The following SHANK1 variants were observed in gnomAD, a reference collection of about 807,000 sequenced individuals.
SHANK1 encodes the protein SH3 and multiple ankyrin repeat domains 1.
SHANK1 carries 35 observed loss-of-function variants against 165.6 expected under a neutral mutation model. That is an observed-to-expected ratio of 0.21 (90% CI 0.16 to 0.28). The LOEUF (loss-of-function observed/expected upper bound fraction) is 0.28, where lower values mean the gene tolerates loss of function less well. SHANK1 is among the 10% of genes least tolerant of loss of function. SHANK1 has a pLI of 1.00. For synonymous variants in SHANK1, 1,428 were observed against 1,384.8 expected, an observed-to-expected ratio of 1.03 and a Z score of -0.69; for missense variants, 2,681 against 3,036.4, an observed-to-expected ratio of 0.88 and a Z score of 2.75.
Position 50,697,992 on chromosome 19 carries a change from G to A in SHANK1, c.1748-36C>T. ...AACGGGGACATAGAGACATTTCTGT[G>A]TTTCTGTGCTGCCCCTCAACTGCCA... On this transcript the variant is annotated intron_variant, in intron 12 of 23. Transcript: ENST00000293441. This position sits in a 1 kb window ranked among gnomAD's most constrained non-coding sequence, Gnocchi z 4.7. 6.8e-7 allele frequency: 1 copy of A among 1,466,394 alleles called. No homozygotes were observed. The highest frequency in any genetic ancestry group is 1.2e-5 in the South Asian group (1 of 85,662). 90.8% of individuals were successfully genotyped at this position (1,466,394 alleles called of 1,614,324 possible).
intron 23 of SHANK1, among the ~76,000 whole-genome samples, chr19:50,664,351 C>T (rs181835209): frequency 2.0e-4 from 30 of 152,242 alleles, no homozygotes; most frequent in African/African-American, 5.1e-4. Context: ...TGAATGGGCT[C>T]GAATTCTGCG....
rs754465479 is a variant in SHANK1, at chr19:50,672,032, C to A, written c.2660G>T (p.Arg887Leu). ...FLPPGPGLML[R>L]QKSIGAAEDD... The stretch of plus-strand genomic sequence containing the variant: ...GGGTGGCATACCGATAGATTTTTGC[C>A]GGAGCATCAACCCAGGTCCTGGAGG... Residue 887 changes from arginine (R) to leucine (L), a missense_variant, in exon 22 of 24, where the codon CGG (arginine) becomes CTG (leucine). Transcript: ENST00000293441. 1.9e-6 allele frequency: 3 copies of A among 1,613,286 alleles called. No individual in the cohort carries two copies.
chr19:50,662,416 C>T lies in SHANK1; in HGVS notation c.6035G>A (p.Ser2012Asn), dbSNP rs747615750. The change falls in exon 24 of 24, where the codon AGC becomes AAC. Residue 2012 changes from serine (S) to asparagine (N), a missense_variant. This residue lies in a region of SHANK1 where 1,713 missense variants were observed against 1,630.2 expected (regional missense o/e 1.05). Coordinates refer to ENST00000293441, the MANE Select transcript of SHANK1 (RefSeq NM_016148.5). The surrounding 1 kb of genome is among the most constrained non-coding windows in gnomAD (Gnocchi z 7.7). ...SLLPASEHKV[S>N]PAPRPSSLPI... ...CAGGGACGAGGGCCTGGGCGCAGGGCTGACCTTGTGCTCCGAGGCGGGCAG... is the reference window on the plus strand; with the variant it reads ...CAGGGACGAGGGCCTGGGCGCAGGGTTGACCTTGTGCTCCGAGGCGGGCAG... 6.4e-7 allele frequency: 1 copy of T among 1,564,572 alleles called. No individual in the cohort carries two copies. Among genetic ancestry groups the T allele is most frequent in the Non-Finnish European group, 8.7e-7 (1 of 1,155,338 alleles).
rs569781839 is a variant in SHANK1, at chr19:50,664,975, T to A, written c.5768+1217A>T. On this transcript the variant is annotated intron_variant, in intron 23 of 23. Transcript: ENST00000293441. ...GGTTTCACCGTGTTAGCCAGGATGG[T>A]CTCGATCTTCTGACCTCATGATCCA... 3.3e-5 allele frequency among the ~76,000 whole-genome samples: 5 copies of A among 152,252 alleles called. No individual in the cohort carries two copies. In the South Asian group the frequency reaches 6.2e-4, roughly 19 times the overall value.
chr19:50,707,305 T>G (rs2088951831), intron 8 of SHANK1, among the ~76,000 whole-genome samples: 2 of 151,924 alleles, frequency 1.3e-5, no homozygotes. Flanking sequence ...GTAGAAGGAG[T>G]GTCCTCTCCC....
At chr19:50,693,498 G>C (rs1986610635) in intron 15 of SHANK1, among the ~76,000 whole-genome samples, 1 of 151,342 alleles carries the variant, frequency 6.6e-6, no homozygotes, top group African/African-American at 2.4e-5. Context: ...GACCCTGAGC[G>C]GCCTCCAGAG....
intron 4 of SHANK1, among the ~76,000 whole-genome samples, chr19:50,715,047 G>A (rs2089054233): frequency 6.6e-6 from 1 of 152,114 alleles, no homozygotes; most frequent in South Asian, 2.1e-4. Context: ...GGTAGACAAG[G>A]AGGGACTGGG....
Position 50,697,187 on chromosome 19 carries a change from C to T in SHANK1, c.1938-65G>A, listed in dbSNP as rs1251996524. ...GTGTCAGTGCACCCATCTCCTCACCCCAATCCCACCCAGCCCTGACTGCAC... is the reference window on the plus strand; with the variant it reads ...GTGTCAGTGCACCCATCTCCTCACCTCAATCCCACCCAGCCCTGACTGCAC... On this transcript the variant is annotated intron_variant, in intron 14 of 23. Transcript: ENST00000293441. The surrounding 1 kb of genome is among the most constrained non-coding windows in gnomAD (Gnocchi z 4.7). 1 of 1,613,344 alleles carries T rather than the reference C, an allele frequency of 6.2e-7. No individual in the cohort carries two copies. Among genetic ancestry groups the T allele is most frequent in the Admixed American group, 1.7e-5 (1 of 60,006 alleles).
At position 50,666,186 on chromosome 19, in the gene SHANK1, G is replaced by A. The variant is rs374550090; in HGVS notation, c.5768+6C>T. The A allele has an allele frequency of 8.2e-6, 13 of 1,580,450 alleles. No individual in the cohort carries two copies. Among genetic ancestry groups the A allele is most frequent in the African/African-American group, 2.7e-5 (2 of 74,260 alleles). ...CCTCCCTTGTTGGCCACCAGCCCCC[G>A]CTTACCTCTGCCGCTGCAGGGAGGA... On this transcript the variant is annotated splice_donor_region_variant and intron_variant, in intron 23 of 23. Transcript: ENST00000293441.
chr19:50,680,775 G>A (rs2123115669), intron 21 of SHANK1, among the ~76,000 whole-genome samples: 1 of 151,814 alleles, frequency 6.6e-6, no homozygotes, highest in Non-Finnish European at 1.5e-5. Flanking sequence ...CCTGTCCCAT[G>A]CTCCCGAGTA....
At chr19:50,684,492 C>T (rs1211260891) in intron 21 of SHANK1, among the ~76,000 whole-genome samples, 3 of 152,142 alleles carry the variant, frequency 2.0e-5, no homozygotes, top group African/African-American at 7.2e-5. Flanking sequence ...TCCCAAAGTG[C>T]TAGGATTACA....
At position 50,661,002 on chromosome 19, in the gene SHANK1, G is replaced by T. The variant is rs1457774855; in HGVS notation, c.*963C>A. On this transcript the variant is annotated 3_prime_UTR_variant, in exon 24 of 24. Transcript: ENST00000293441. ...AGAGTTGGGGAGTGGAAGAATCTGG[G>T]GTTTTTAAGAATAAGAAGGGAAAGT... 1.3e-5 allele frequency among the ~76,000 whole-genome samples: 2 copies of T among 151,896 alleles called. No individual in the cohort carries two copies. Among genetic ancestry groups the T allele is most frequent in the Non-Finnish European group, 2.9e-5 (2 of 67,994 alleles).
chr19:50,689,367 C>T (rs773699209), intron 15 of SHANK1, 88 bp from the exon 16 acceptor site: 4 of 964,008 alleles, frequency 4.1e-6, no homozygotes, highest in Non-Finnish European at 6.8e-6. Context: ...ACCCGGCAAC[C>T]CAGACCCAAA....
chr19:50,684,790 G>T (rs2123123928), intron 21 of SHANK1, among the ~76,000 whole-genome samples: 1 of 152,252 alleles, frequency 6.6e-6, no homozygotes, highest in Middle Eastern at 3.4e-3. Flanking sequence ...CCAAAATAGT[G>T]TTTATGCGCC....
rs2089035645 is a variant in SHANK1 at position 50,713,698 on chromosome 19, C to T, written c.792+100G>A. 1 of 1,456,618 alleles carries T rather than the reference C, an allele frequency of 6.9e-7. No individual in the cohort carries two copies. The highest frequency in any genetic ancestry group is 1.2e-5 in the South Asian group (1 of 81,402). The allele number at this position is 1,456,618 out of a possible 1,614,324, so 90.2% of individuals were successfully genotyped here. A position where few individuals can be genotyped will look rare whatever the true frequency, so the allele number is the denominator to read the frequency against. The stretch of plus-strand genomic sequence containing the variant: ...GCTTTGAACTGGGGACATGAGAGGG[C>T]CTATTTTTAACTGAAACCAAAGAAC... On this transcript the variant is annotated intron_variant, in intron 6 of 23. Transcript: ENST00000293441. This position sits in a 1 kb window ranked among gnomAD's most constrained non-coding sequence, Gnocchi z 6.2.
chr19:50,703,076 C>A (rs2088888450), intron 11 of SHANK1, among the ~76,000 whole-genome samples: 1 of 152,156 alleles, frequency 6.6e-6, no homozygotes, highest in Admixed American at 6.5e-5. Context: ...CTCCTTCTCA[C>A]CCTCCTCTAG....
In SHANK1 at chr19:50,686,198, C is replaced by T. The variant is rs1286716657; in HGVS notation, c.2577+39G>A. The T allele has an allele frequency of 3.1e-6, 4 of 1,269,840 alleles. No individual in the cohort carries two copies. The highest frequency in any genetic ancestry group is 2.2e-6 in the Non-Finnish European group (2 of 899,142). The allele number at this position is 1,269,840 out of a possible 1,614,324, so 78.7% of individuals were successfully genotyped here. On this transcript the variant is annotated intron_variant, in intron 21 of 23. Coordinates refer to ENST00000293441, the MANE Select transcript of SHANK1 (RefSeq NM_016148.5). This position sits in a 1 kb window ranked among gnomAD's most constrained non-coding sequence, Gnocchi z 5.7. ...GGCTCCAGGTTGGTGTGTGAACCGCCTCCCCCCTGGCAGTTCCTCCCCACA... is the reference window on the plus strand; with the variant it reads ...GGCTCCAGGTTGGTGTGTGAACCGCTTCCCCCCTGGCAGTTCCTCCCCACA...
Position 50,669,418 on chromosome 19 carries a change from C to T in SHANK1, c.2675-133G>A, listed in dbSNP as rs373900658. 18 of 650,984 alleles carry T rather than the reference C, an allele frequency of 2.8e-5. No individual in the cohort carries two copies. The African/African-American group carries it at 2.9e-4, about 11-fold the overall frequency. The allele number at this position is 650,984 out of a possible 1,614,324, so 40.3% of individuals were successfully genotyped here. ...ATATGCCAGGAACTTCACGTGGACT[C>T]GCCCAGCTCTTCCCTATTTGAGGTA... is the stretch of plus-strand genomic sequence containing the variant. On this transcript the variant is annotated intron_variant, in intron 22 of 23. Transcript: ENST00000293441.
At chr19:50,712,398 G>A (rs1487356212) in intron 6 of SHANK1, among the ~76,000 whole-genome samples, 1 of 152,058 alleles carries the variant, frequency 6.6e-6, no homozygotes, top group African/African-American at 2.4e-5. Flanking sequence ...GATCTTGGAT[G>A]AGCCATTGAA....
Sources: allele counts gnomAD v4.1 joint callset (sites outside exome capture counted in the v4.1 genomes callset), GRCh38; gene constraint gnomAD v4.1.1; regional missense constraint gnomAD v4.1.1; non-coding constraint Gnocchi (gnomAD v3.1); transcripts MANE v1.5; gene names NCBI Gene and HGNC (gene_info 2026-07-23, HGNC 2026-07-21).